Variants in RAPGEF6 observed in about 807,000 individuals in gnomAD.
The protein encoded by RAPGEF6 is PDZ domain containing guanine nucleotide exchange factor (GEF) 2.
RAPGEF6 carries 56 observed loss-of-function variants against 171.4 expected under a neutral mutation model. The ratio of observed to expected loss-of-function variants is 0.33; its 90% confidence interval spans 0.26 to 0.41. RAPGEF6 has a LOEUF of 0.41. Ranked by LOEUF, RAPGEF6 falls within the 10% of genes least tolerant of loss-of-function variation. The pLI is 1.00. For missense variants in RAPGEF6, 1,674 were observed against 1,921.4 expected (o/e 0.87, Z 2.41); for synonymous variants, 692 against 650.1 (o/e 1.06, Z -0.98).
intron 11 of RAPGEF6, among the ~76,000 whole-genome samples, chr5:131,503,909 T>A (rs1417162233): frequency 6.6e-6 from 1 of 152,208 alleles, no homozygotes; most frequent in East Asian, 1.9e-4. Context: ...TTCAGAGAAG[T>A]CAATGCATAT....
chr5:131,562,086 T>G (rs774423790), intron 4 of RAPGEF6, 39 bp from the exon 5 acceptor site: 29 of 1,348,710 alleles, frequency 2.2e-5, no homozygotes, highest in Non-Finnish European at 2.9e-5. Context: ...GCAAAGGTTA[T>G]TAATAAAATA....
intron 11 of RAPGEF6, among the ~76,000 whole-genome samples, chr5:131,500,699 A>G (rs1361310209): frequency 6.6e-6 from 1 of 152,082 alleles, no homozygotes; most frequent in African/African-American, 2.4e-5. Context: ...AGCCTAATTT[A>G]GATCCCTCTT....
intron 15 of RAPGEF6, among the ~76,000 whole-genome samples, chr5:131,487,120 A>G (rs988262259): frequency 6.6e-6 from 1 of 152,008 alleles, no homozygotes; most frequent in Non-Finnish European, 1.5e-5. Context: ...CAGCTCTTAA[A>G]GATGGTGTGT....
In RAPGEF6 at chr5:131,635,121, C is replaced by T; in HGVS notation, c.-91G>A. The T allele has an allele frequency of 1.5e-6, 2 of 1,325,480 alleles. No individual in the cohort carries two copies. The highest frequency in any genetic ancestry group is 2.0e-6 in the Non-Finnish European group (2 of 988,748). 82.1% of individuals were successfully genotyped at this position (1,325,480 alleles called of 1,614,324 possible). On this transcript the variant is annotated 5_prime_UTR_variant, in exon 1 of 28. Coordinates refer to ENST00000509018, the MANE Select transcript of RAPGEF6 (RefSeq NM_016340.6). ...TAGCGGGTGCGGTACCTTTCCCCCG[C>T]CCCAAGGAGGGAACTTCGCGCCGTA... is the stretch of plus-strand genomic sequence containing the variant.
chr5:131,428,054 G>A (rs748516419), intron 27 of RAPGEF6, among the ~76,000 whole-genome samples: 2 of 151,974 alleles, frequency 1.3e-5, no homozygotes, highest in South Asian at 2.1e-4. Context: ...AGTGAGCCAC[G>A]ATCATGCCAC....
intron 17 of RAPGEF6, chr5:131,472,337 C>T (rs928596805): frequency 2.1e-6 from 1 of 475,794 alleles, no homozygotes; most frequent in East Asian, 4.5e-5. Flanking sequence ...TCCCAAAGTG[C>T]TGGGATTACA....
chr5:131,556,362 A>G (rs1052388963), intron 5 of RAPGEF6, among the ~76,000 whole-genome samples: 2 of 152,058 alleles, frequency 1.3e-5, no homozygotes, highest in African/African-American at 4.8e-5. Context: ...AGCCGAGATC[A>G]TGCCACTGCA....
intron 1 of RAPGEF6, among the ~76,000 whole-genome samples, chr5:131,610,478 T>C (rs1764870641): frequency 6.6e-6 from 1 of 152,148 alleles, no homozygotes; most frequent in African/African-American, 2.4e-5. Context: ...GAGGAATGTG[T>C]GGAATCCACA....
chr5:131,445,907 C>T (rs1361337457), intron 22 of RAPGEF6, among the ~76,000 whole-genome samples: 1 of 151,936 alleles, frequency 6.6e-6, no homozygotes, highest in Non-Finnish European at 1.5e-5. Context: ...TTGATTTCTG[C>T]TCTTAGAATT....
chr5:131,610,811 A>G (rs1415018431), intron 1 of RAPGEF6, among the ~76,000 whole-genome samples: 2 of 152,194 alleles, frequency 1.3e-5, no homozygotes, highest in Admixed American at 1.3e-4. Flanking sequence ...CTGCTCCCTG[A>G]ACTTCAAACC....
At chr5:131,447,304 A>G (rs1580836537) in intron 21 of RAPGEF6, 1 of 152,454 alleles carries the variant, frequency 6.6e-6, no homozygotes, top group Non-Finnish European at 1.5e-5. Context: ...ACAGTCGGAC[A>G]TCAGAATGCA....
chr5:131,528,834 T>C (rs913073377), intron 6 of RAPGEF6, among the ~76,000 whole-genome samples: 6 of 152,168 alleles, frequency 3.9e-5, no homozygotes, highest in Non-Finnish European at 7.3e-5. Flanking sequence ...GGTGAGGACT[T>C]GGACTTTGAA....
At chr5:131,587,527 A>T (rs1235044583) in intron 4 of RAPGEF6, among the ~76,000 whole-genome samples, 1 of 152,232 alleles carries the variant, frequency 6.6e-6, no homozygotes, top group East Asian at 1.9e-4. Context: ...TAACATGTAG[A>T]TTTATGTTAT....
Position 131,492,648 on chromosome 5 carries a change from A to G in RAPGEF6, c.1665T>C (p.Gly555=). The part of the protein sequence containing the change: ...SLNGGSEKGF[G]IFVEGVEPGS... ...CAGGTTCTACTCCTTCAACAAAAAT[A>G]CCAAATCCCTTCTCACTCCCTCCAT... Residue 555 remains glycine, a synonymous_variant, in exon 14 of 28, where the codon GGT becomes GGC. Transcript: ENST00000509018. The G allele has an allele frequency of 6.2e-7, 1 of 1,614,188 alleles. No individual in the cohort carries two copies. Among genetic ancestry groups the G allele is most frequent in the Non-Finnish European group, 8.5e-7 (1 of 1,180,030 alleles).
intron 6 of RAPGEF6, among the ~76,000 whole-genome samples, chr5:131,527,278 GA>G (rs1485250735): frequency 3.3e-5 from 5 of 150,756 alleles, no homozygotes; most frequent in Non-Finnish European, 7.4e-5. Context: ...ACAACAGCAG[GA>G]AAAAAACAAA....
intron 5 of RAPGEF6, among the ~76,000 whole-genome samples, chr5:131,558,540 GCT>G (rs1426012811): frequency 3.9e-4 from 60 of 152,128 alleles, no homozygotes; most frequent in African/African-American, 1.4e-3. Context: ...TTCATATGCT[GCT>G]CTTTAATTTC....
intron 17 of RAPGEF6, among the ~76,000 whole-genome samples, chr5:131,470,508 C>A (rs1754668087): frequency 6.6e-6 from 1 of 152,228 alleles, no homozygotes; most frequent in Admixed American, 6.5e-5. Flanking sequence ...CCACATCCTA[C>A]ATATACCTAT....
intron 3 of RAPGEF6, among the ~76,000 whole-genome samples, chr5:131,596,036 A>G (rs1457052881): frequency 6.6e-6 from 1 of 151,858 alleles, no homozygotes; most frequent in Non-Finnish European, 1.5e-5. Context: ...CGCCTGTAAT[A>G]CCAGCTACTT....
intron 4 of RAPGEF6, among the ~76,000 whole-genome samples, chr5:131,588,746 A>C (rs930562190): frequency 1.3e-4 from 20 of 151,826 alleles, no homozygotes; most frequent in African/African-American, 4.1e-4. Context: ...CCGTCTTAAA[A>C]AACAACAACA....
Sources: allele counts gnomAD v4.1 joint callset (sites outside exome capture counted in the v4.1 genomes callset), GRCh38; gene constraint gnomAD v4.1.1; transcripts MANE v1.5; gene names NCBI Gene and HGNC (gene_info 2026-07-23, HGNC 2026-07-21).